Variants in HACD4 observed in about 807,000 individuals in gnomAD.
HACD4 encodes very-long-chain (3R)-3-hydroxyacyl-CoA dehydratase 4.
Under a neutral mutation model 33.3 loss-of-function variants are expected in HACD4, and 35 were observed. The ratio of observed to expected loss-of-function variants is 1.05; its 90% CI spans 0.80 to 1.39. HACD4 has a LOEUF of 1.39. HACD4 is among the 40% of genes most tolerant of loss of function. The pLI, the probability that HACD4 is intolerant of heterozygous loss-of-function variation, is 0.00. For missense variants in HACD4, 323 were observed against 276.5 expected (o/e 1.17, Z -1.19); for synonymous variants, 118 against 98.0 (o/e 1.20, Z -1.21).
chr9:21,010,245 A>T (rs1187497236), intron 5 of HACD4, among the ~76,000 whole-genome samples: 1 of 152,166 alleles, frequency 6.6e-6, no homozygotes, highest in Non-Finnish European at 1.5e-5. Context: ...CAGTCTACCA[A>T]ATCCATTGCA....
chr9:21,025,416 A>G (rs2132798513), intron 3 of HACD4, among the ~76,000 whole-genome samples: 1 of 128,090 alleles, frequency 7.8e-6, no homozygotes, highest in East Asian at 2.2e-4. Context: ...TTTACATTCT[A>G]AGCACTTTGC....
At chr9:21,031,399 C>T (rs1587845341) in intron 1 of HACD4, 154 bp downstream of exon 1, 5 of 951,482 alleles carry the variant, frequency 5.3e-6, no homozygotes, top group African/African-American at 1.8e-5. Flanking sequence ...TTAGCAAATA[C>T]CTGCATGAGC....
Position 21,003,290 on chromosome 9 carries a change from A to G in HACD4, c.*3747T>C, listed in dbSNP as rs1842194699. ...TTATTTAATAATGAAATTTTAATTT[A>G]TTATAATGACCCAGTAAAGTGTAGT... On this transcript the variant is annotated 3_prime_UTR_variant, in exon 7 of 7. Transcript: ENST00000495827. 1 of 152,124 alleles carries G rather than the reference A, an allele frequency of 6.6e-6. No homozygotes were observed. Among genetic ancestry groups the G allele is most frequent in the South Asian group, 2.1e-4 (1 of 4,836 alleles). 9.4% of individuals were successfully genotyped at this position (152,124 alleles called of 1,614,324 possible).
chr9:21,024,053 C>G (rs1378516034), intron 3 of HACD4, among the ~76,000 whole-genome samples: 1 of 152,204 alleles, frequency 6.6e-6, no homozygotes, highest in Non-Finnish European at 1.5e-5. Flanking sequence ...TATTTTAAAG[C>G]AGGGGCCTCA....
intron 1 of HACD4, among the ~76,000 whole-genome samples, chr9:21,030,953 G>A (rs976181333): frequency 6.6e-6 from 1 of 152,212 alleles, no homozygotes; most frequent in Non-Finnish European, 1.5e-5. Flanking sequence ...CCTTGAAGAT[G>A]TGAAACCTCC....
chr9:21,024,871 G>A (rs746641405), intron 3 of HACD4, among the ~76,000 whole-genome samples: 2 of 152,142 alleles, frequency 1.3e-5, no homozygotes, highest in African/African-American at 4.8e-5. Flanking sequence ...CATACTCCAA[G>A]CAAAATCATT....
At chr9:21,029,466 C>T in intron 1 of HACD4, 68 bp from the exon 2 acceptor site, 2 of 977,128 alleles carry the variant, frequency 2.0e-6, no homozygotes, top group Non-Finnish European at 3.1e-6. Context: ...GTACACATGC[C>T]CTTTAATGTA....
chr9:20,999,945 C>A lies in HACD4; in HGVS notation c.*7092G>T, dbSNP rs945860895. 6.6e-6 allele frequency: 1 copy of A among 152,100 alleles called. No individual in the cohort carries two copies. The highest frequency in any genetic ancestry group is 6.6e-5 in the Admixed American group (1 of 15,262). The allele number at this position is 152,100 out of a possible 1,614,324, so 9.4% of individuals were successfully genotyped here. On this transcript the variant is annotated 3_prime_UTR_variant, in exon 7 of 7. Transcript: ENST00000495827. ...TTATAATTTGCAAAAGTTTAATTTA[C>A]CATATGTCATTTAGTCTTCATAATA...
chr9:21,028,152 G>GA, intron 2 of HACD4, among the ~76,000 whole-genome samples: 1 of 122,658 alleles, frequency 8.2e-6, no homozygotes, highest in South Asian at 2.7e-4. Flanking sequence ...AAAAAAAAAA[G>GA]AAAAAAGAAA....
At chr9:21,014,274 A>G (rs886239789) in intron 4 of HACD4, among the ~76,000 whole-genome samples, 4 of 152,220 alleles carry the variant, frequency 2.6e-5, no homozygotes, top group Non-Finnish European at 5.9e-5. Context: ...ATGGATGTTC[A>G]TGGCAGTACT....
At position 21,010,367 on chromosome 9, in the gene HACD4, C is replaced by G. The variant is rs570374488; in HGVS notation, c.490+1222G>C. Among the ~76,000 whole-genome samples, 7 of 149,820 alleles carry G rather than the reference C, an allele frequency of 4.7e-5. No individual in the cohort carries two copies. In the South Asian group the frequency reaches 1.5e-3, roughly 32 times the overall value. On this transcript the variant is annotated intron_variant, in intron 5 of 6. Transcript: ENST00000495827. The stretch of plus-strand genomic sequence containing the variant: ...AGGCTATATAATTAGCCTACTCATA[C>G]TCAATAATTCATTCTGTGTTCATTG...
intron 5 of HACD4, among the ~76,000 whole-genome samples, chr9:21,011,109 CAGTTGAGGA>C (rs1564270989): frequency 6.6e-6 from 1 of 152,124 alleles, no homozygotes; most frequent in East Asian, 1.9e-4. Context: ...CAGGGGAACT[CAGTTGAGGA>C]AGTCAGGGAA....
At chr9:21,010,681 G>T (rs1285949774) in intron 5 of HACD4, among the ~76,000 whole-genome samples, 1 of 151,978 alleles carries the variant, frequency 6.6e-6, no homozygotes, top group Non-Finnish European at 1.5e-5. Flanking sequence ...TACTTTATTT[G>T]TATTATTATT....
chr9:21,031,581 A>T lies in HACD4; in HGVS notation c.10T>A (p.Leu4Met). MGPLALPAWLQPRY... is the reference protein window; with the variant it reads MGPMALPAWLQPRY... ...GGCTGCAGCCAGGCGGGCAGCGCCA[A>T]GGGCCCCATGGGCCGCCGCCGCCAG... Residue 4 changes from leucine to methionine, a missense_variant, in exon 1 of 7, where the codon TTG becomes ATG. Coordinates refer to ENST00000495827, the MANE Select transcript of HACD4 (RefSeq NM_001010915.5). The T allele has an allele frequency of 6.9e-7, 1 of 1,446,996 alleles. No homozygotes were observed. Among genetic ancestry groups the T allele is most frequent in the Non-Finnish European group, 9.0e-7 (1 of 1,105,684 alleles). 89.6% of individuals were successfully genotyped at this position (1,446,996 alleles called of 1,614,324 possible).
rs909264945 is a variant in HACD4, at chr9:21,000,667, G to C, written c.*6370C>G. 6.6e-6 allele frequency: 1 copy of C among 151,872 alleles called. No homozygotes were observed. Among genetic ancestry groups the C allele is most frequent in the South Asian group, 2.1e-4 (1 of 4,806 alleles). The allele number at this position is 151,872 out of a possible 1,614,324, so 9.4% of individuals were successfully genotyped here. A position where few individuals can be genotyped will look rare whatever the true frequency, so the allele number is the denominator to read the frequency against. On this transcript the variant is annotated 3_prime_UTR_variant, in exon 7 of 7. Coordinates refer to ENST00000495827, the MANE Select transcript of HACD4 (RefSeq NM_001010915.5). ...ACCGAGAAGAATATTAAAATTATCC[G>C]AACCAACGGGAAACATTATAATTAT... is the stretch of plus-strand genomic sequence containing the variant.
In HACD4 at chr9:21,001,188, G is replaced by A. The variant is rs962103637; in HGVS notation, c.*5849C>T. ...TTTTTTAAAGAACCAAAGAGCATGC[G>A]GAAAAAGTCAAAAAACCAATGGATG... On this transcript the variant is annotated 3_prime_UTR_variant, in exon 7 of 7. Coordinates refer to ENST00000495827, the MANE Select transcript of HACD4 (RefSeq NM_001010915.5). 4 of 151,672 alleles carry A rather than the reference G, an allele frequency of 2.6e-5. No homozygotes were observed. Among genetic ancestry groups the A allele is most frequent in the Admixed American group, 6.6e-5 (1 of 15,218 alleles). 9.4% of individuals were successfully genotyped at this position (151,672 alleles called of 1,614,324 possible).
At position 21,007,127 on chromosome 9, in the gene HACD4, G is replaced by A. The variant is rs781568647; in HGVS notation, c.617-8C>T. 1.4e-6 allele frequency: 2 copies of A among 1,395,274 alleles called. No individual in the cohort carries two copies. Among genetic ancestry groups the A allele is most frequent in the African/African-American group, 1.4e-5 (1 of 70,434 alleles). The allele number at this position is 1,395,274 out of a possible 1,614,324, so 86.4% of individuals were successfully genotyped here. On this transcript the variant is annotated splice_region_variant and splice_polypyrimidine_tract_variant and intron_variant, in intron 6 of 6. Transcript: ENST00000495827. ...TGTAGGTAAAATACATACCTAATATGGAGAAAGAAGTTGCAAAAGTAAGTA... is the reference window on the plus strand; with the variant it reads ...TGTAGGTAAAATACATACCTAATATAGAGAAAGAAGTTGCAAAAGTAAGTA...
chr9:21,015,781 T>C, intron 4 of HACD4, 117 bp downstream of exon 4: 1 of 570,710 alleles, frequency 1.8e-6, no homozygotes, highest in Non-Finnish European at 3.1e-6. Flanking sequence ...ATAAAATAAT[T>C]TGAAAAGGGG....
intron 3 of HACD4, among the ~76,000 whole-genome samples, chr9:21,016,390 C>T (rs1021292039): frequency 6.6e-6 from 1 of 152,164 alleles, no homozygotes; most frequent in African/African-American, 2.4e-5. Context: ...GGTGGGAGAA[C>T]TGAACAATAG....
Sources: gnomAD v4.1 joint callset for allele counts (sites outside exome capture counted in the v4.1 genomes callset) on GRCh38, gnomAD v4.1.1 for gene constraint, MANE v1.5 for transcripts, NCBI Gene and HGNC (gene_info 2026-07-23, HGNC 2026-07-21) for gene names.